MYO5A: variants seen among roughly 807,000 people sequenced by gnomAD.
MYO5A encodes the protein unconventional myosin-Va.
MYO5A carries 98 observed loss-of-function variants against 249.7 expected under a neutral mutation model. The observed-to-expected ratio is 0.39, with a 90% CI of 0.33 to 0.46. MYO5A has a LOEUF of 0.46. Among genes scored for constraint, MYO5A ranks in the 20% least tolerant of loss-of-function variants. The probability of loss-of-function intolerance (pLI) is 0.98; values close to 1 mark genes in which losing one functional copy is unlikely to be tolerated. For missense variants in MYO5A, 1,696 were observed against 2,308.8 expected (o/e 0.73, Z 5.44); for synonymous variants, 778 against 810.6 (o/e 0.96, Z 0.68).
intron 1 of MYO5A, among the ~76,000 whole-genome samples, chr15:52,519,610 T>TAA (rs757346309): frequency 3.8e-3 from 215 of 56,908 alleles, no homozygotes; most frequent in African/African-American, 9.3e-3. Context: ...AGACCTTGTC[T>TAA]AAAAAAAATA....
At chr15:52,396,153 A>T (rs923481888) in intron 11 of MYO5A, among the ~76,000 whole-genome samples, 163 bp downstream of exon 11, 4 of 152,242 alleles carry the variant, frequency 2.6e-5, no homozygotes, top group African/African-American at 2.4e-5. Flanking sequence ...CCTGGCCCAT[A>T]AAACATTTTT....
In MYO5A at chr15:52,397,209, G is replaced by A; in HGVS notation, c.1311C>T (p.Asp437=). 6.2e-7 allele frequency: 1 copy of A among 1,613,984 alleles called. No individual in the cohort carries two copies. Among genetic ancestry groups the A allele is most frequent in the South Asian group, 1.1e-5 (1 of 91,076 alleles). ...VKQHSFIGVL[D]IYGFETFEIN... ...TAGCCAAATATACTCACCCGTAAAT[G>A]TCTAGCACACCAATAAAAGAGTGCT... The change falls in exon 10 of 42, where the codon GAC becomes GAT. Residue 437 remains aspartate, a synonymous_variant. Coordinates refer to ENST00000399233, the MANE Select transcript of MYO5A (RefSeq NM_001382347.1).
chr15:52,528,863 C>T lies in MYO5A; in HGVS notation c.-57G>A. 5.6e-6 allele frequency: 8 copies of T among 1,421,130 alleles called. No homozygotes were observed. Among genetic ancestry groups the T allele is most frequent in the East Asian group, 3.1e-5 (1 of 32,590 alleles). The allele number at this position is 1,421,130 out of a possible 1,614,324, so 88.0% of individuals were successfully genotyped here. ...GTGCGGAGGCCGCACCTCGCCTGGG[C>T]GGCCGCCCGAGCGGACTAGGAAGCG... On this transcript the variant is annotated 5_prime_UTR_variant, in exon 1 of 42. Coordinates refer to ENST00000399233, the MANE Select transcript of MYO5A (RefSeq NM_001382347.1).
intron 1 of MYO5A, among the ~76,000 whole-genome samples, chr15:52,447,579 C>G (rs1238803328): frequency 1.3e-5 from 2 of 152,070 alleles, no homozygotes; most frequent in Admixed American, 1.3e-4. Flanking sequence ...GAGGTTCAAA[C>G]AGTTTGGAGG....
At chr15:52,315,642 G>C (rs2037969952) in intron 40 of MYO5A, among the ~76,000 whole-genome samples, 1 of 151,686 alleles carries the variant, frequency 6.6e-6, no homozygotes, top group Non-Finnish European at 1.5e-5. Flanking sequence ...CCAAAGTGCT[G>C]GGATTACAGG....
intron 1 of MYO5A, among the ~76,000 whole-genome samples, chr15:52,463,956 T>C (rs956298532): frequency 2.0e-5 from 3 of 152,236 alleles, no homozygotes; most frequent in Admixed American, 1.3e-4. Flanking sequence ...CCAATTAGAC[T>C]GTATATACAA....
At chr15:52,526,520 C>T (rs1319558576) in intron 1 of MYO5A, among the ~76,000 whole-genome samples, 1 of 152,148 alleles carries the variant, frequency 6.6e-6, no homozygotes, top group African/African-American at 2.4e-5. Context: ...CGCCACCACG[C>T]CCAGCTAATT....
At chr15:52,323,480 T>G (rs1304123247) in intron 36 of MYO5A, 36 bp from the exon 37 acceptor site, 1 of 1,533,808 alleles carries the variant, frequency 6.5e-7, no homozygotes, top group African/African-American at 1.4e-5. Flanking sequence ...TGCCTTTTCC[T>G]TAGGGAAATA....
chr15:52,359,308 A>G (rs1178309254), intron 25 of MYO5A, among the ~76,000 whole-genome samples: 3 of 152,218 alleles, frequency 2.0e-5, no homozygotes, highest in Admixed American at 2.0e-4. Context: ...TATTGAAACT[A>G]TATCATATTT....
chr15:52,497,426 T>TAAAG (rs1413641219), intron 1 of MYO5A, among the ~76,000 whole-genome samples: 1 of 149,616 alleles, frequency 6.7e-6, no homozygotes, highest in Admixed American at 6.7e-5. Context: ...AATAAATAGA[T>TAAAG]AAATAAATAA....
rs1567004421 is a variant in MYO5A, at chr15:52,308,071, C to T, written c.*5625G>A. On this transcript the variant is annotated 3_prime_UTR_variant, in exon 42 of 42. Transcript: ENST00000399233. ...TGAAAAATGCATAAAAATATACTAA[C>T]CTGCCAAGCACTGAATTATATATAC... The T allele has an allele frequency of 3.9e-5, 6 of 152,066 alleles. No individual in the cohort carries two copies. In the South Asian group the frequency reaches 1.2e-3, roughly 31 times the overall value. 9.4% of individuals were successfully genotyped at this position (152,066 alleles called of 1,614,324 possible). A position where few individuals can be genotyped will look rare whatever the true frequency, so the allele number is the denominator to read the frequency against.
intron 39 of MYO5A, among the ~76,000 whole-genome samples, chr15:52,318,383 G>C (rs1177601159): frequency 1.4e-5 from 2 of 145,850 alleles, no homozygotes; most frequent in African/African-American, 2.5e-5. Context: ...TTCAACCCAG[G>C]AGGCAGAGGT....
chr15:52,334,117 G>C (rs1202806252), intron 34 of MYO5A, among the ~76,000 whole-genome samples: 1 of 152,138 alleles, frequency 6.6e-6, no homozygotes, highest in African/African-American at 2.4e-5. Flanking sequence ...AAATGATGAG[G>C]TTGATTTCTG....
intron 22 of MYO5A, among the ~76,000 whole-genome samples, chr15:52,368,590 C>G (rs1173722655): frequency 6.6e-6 from 1 of 152,102 alleles, no homozygotes; most frequent in African/African-American, 2.4e-5. Context: ...TCATTCTTCC[C>G]CTATCACTAC....
chr15:52,507,681 T>C (rs1259687237), intron 1 of MYO5A, among the ~76,000 whole-genome samples: 1 of 151,392 alleles, frequency 6.6e-6, no homozygotes, highest in Non-Finnish European at 1.5e-5. Flanking sequence ...CAGGGCATAG[T>C]GGCATGCACC....
chr15:52,370,069 A>T lies in MYO5A; in HGVS notation c.3066+100T>A, dbSNP rs2041024619. ...GTAATTCAACTAAAATTTGTACTGC[A>T]TTTCTAATAAAACCAACAGTGAGTC... On this transcript the variant is annotated intron_variant, in intron 22 of 41. Coordinates refer to ENST00000399233, the MANE Select transcript of MYO5A (RefSeq NM_001382347.1). The T allele has an allele frequency of 2.0e-6, 3 of 1,491,002 alleles. No homozygotes were observed. The African/African-American group carries it at 4.2e-5, about 21-fold the overall frequency. 92.4% of individuals were successfully genotyped at this position (1,491,002 alleles called of 1,614,324 possible). A position where few individuals can be genotyped will look rare whatever the true frequency, so the allele number is the denominator to read the frequency against.
At chr15:52,351,156 C>T in intron 28 of MYO5A, 98 bp downstream of exon 28, 3 of 898,840 alleles carry the variant, frequency 3.3e-6, no homozygotes, top group Non-Finnish European at 3.6e-6. Flanking sequence ...ATTAAAAATG[C>T]TCTTAAGTGT....
rs767461872 is a variant in MYO5A at position 52,314,106 on chromosome 15, A to T, written c.5490+17T>A. ...AGACTGTGTTGGTGAATCAAAGAAGAAGATGGGAGCTCTTACCTGTATAGT... is the reference window on the plus strand; with the variant it reads ...AGACTGTGTTGGTGAATCAAAGAAGTAGATGGGAGCTCTTACCTGTATAGT... On this transcript the variant is annotated intron_variant, in intron 41 of 41. Coordinates refer to ENST00000399233, the MANE Select transcript of MYO5A (RefSeq NM_001382347.1). 3.6e-5 allele frequency: 57 copies of T among 1,578,580 alleles called. No homozygotes were observed. The highest frequency in any genetic ancestry group is 3.5e-4 in the South Asian group (32 of 90,320).
intron 30 of MYO5A, among the ~76,000 whole-genome samples, chr15:52,344,650 A>G (rs185273306): frequency 2.6e-5 from 4 of 152,300 alleles, no homozygotes; most frequent in Admixed American, 1.3e-4. Context: ...ACTGCAGTCT[A>G]TTCTCTAACA....
Sources: gnomAD v4.1 joint callset for allele counts (sites outside exome capture counted in the v4.1 genomes callset) on GRCh38, gnomAD v4.1.1 for gene constraint, MANE v1.5 for transcripts, NCBI Gene and HGNC (gene_info 2026-07-23, HGNC 2026-07-21) for gene names.